Variants in ZNF638 observed in about 807,000 individuals in gnomAD.
The protein encoded by ZNF638 is zinc finger protein 638, also known as CTCL tumor antigen se33-1.
Under a neutral mutation model 195.6 loss-of-function variants are expected in ZNF638, and 46 were observed. That is an observed-to-expected ratio of 0.24 (90% CI 0.19 to 0.30). The LOEUF (loss-of-function observed/expected upper bound fraction) is 0.30, where lower values mean the gene tolerates loss of function less well. Among genes scored for constraint, ZNF638 ranks in the 10% least tolerant of loss-of-function variants. The probability of loss-of-function intolerance (pLI) is 1.00; values close to 1 mark genes in which losing one functional copy is unlikely to be tolerated. For missense variants in ZNF638, 2,440 were observed against 2,325.3 expected, an observed-to-expected ratio of 1.05 and a Z score of -1.01; for synonymous variants, 845 against 772.0, an observed-to-expected ratio of 1.09 and a Z score of -1.57.
chr2:71,431,861 A>G (rs2080672022), intron 26 of ZNF638, among the ~76,000 whole-genome samples: 1 of 152,150 alleles, frequency 6.6e-6, no homozygotes, highest in African/African-American at 2.4e-5. Context: ...GGAAATTTGC[A>G]TGTTTTACAC....
rs143900465 is a variant in ZNF638, at chr2:71,367,946, A to G, written c.1996-436A>G. On this transcript the variant is annotated intron_variant, in intron 6 of 27. Coordinates refer to ENST00000264447, the MANE Select transcript of ZNF638 (RefSeq NM_014497.5). ...ATGCATTATATATGAATTTTTAAAA[A>G]TATTATACCTGTCTAGAGATCATTT... Among the ~76,000 whole-genome samples the G allele has an allele frequency of 4.0e-3, 615 of 152,232 alleles. 2 individuals carry two copies. Among genetic ancestry groups the G allele is most frequent in the Non-Finnish European group, 5.7e-3 (388 of 68,002 alleles).
At chr2:71,394,994 C>T (rs762898547) in intron 10 of ZNF638, among the ~76,000 whole-genome samples, 1 of 152,154 alleles carries the variant, frequency 6.6e-6, no homozygotes, top group Admixed American at 6.5e-5. Context: ...TACCATGGAA[C>T]CAATCAATAC....
At chr2:71,334,130 G>C (rs756203059) in intron 1 of ZNF638, among the ~76,000 whole-genome samples, 2 of 152,002 alleles carry the variant, frequency 1.3e-5, no homozygotes, top group Non-Finnish European at 2.9e-5. Flanking sequence ...GTTAGTCTTT[G>C]TATCTTTCCC....
intron 1 of ZNF638, among the ~76,000 whole-genome samples, chr2:71,345,691 G>C (rs1469544383): frequency 6.6e-6 from 1 of 151,950 alleles, no homozygotes; most frequent in Non-Finnish European, 1.5e-5. Context: ...TTTTTGTAGA[G>C]ACAGGATTTT....
intron 8 of ZNF638, among the ~76,000 whole-genome samples, chr2:71,371,780 A>G (rs1442635206): frequency 6.6e-6 from 1 of 151,804 alleles, no homozygotes; most frequent in Non-Finnish European, 1.5e-5. Context: ...TTTTTCCTGT[A>G]AAGTGGCTTG....
intron 2 of ZNF638, among the ~76,000 whole-genome samples, chr2:71,355,478 T>C (rs1368739907): frequency 6.6e-6 from 1 of 152,198 alleles, no homozygotes; most frequent in Non-Finnish European, 1.5e-5. Context: ...CGGGTATGAT[T>C]TTGAAAATGT....
chr2:71,417,474 T>G (rs1201001848), intron 20 of ZNF638, among the ~76,000 whole-genome samples: 6 of 152,186 alleles, frequency 3.9e-5, no homozygotes, highest in Non-Finnish European at 7.3e-5. Context: ...ACCGGAGCTG[T>G]TCCTATTCGG....
chr2:71,423,913 G>A lies in ZNF638; in HGVS notation c.4399G>A (p.Gly1467Ser), dbSNP rs147572028. The part of the protein sequence containing the change: ...KPTQSSLTRG[G>S]SGRISALQGK... ...TACTCAGAGCAGTCTTACCAGAGGA[G>A]GCAGTGGAAGGATCTCAGCCCTGCA... The change falls in exon 22 of 28, where the codon GGC becomes AGC. Residue 1467 changes from glycine to serine, a missense_variant. Coordinates refer to ENST00000264447, the MANE Select transcript of ZNF638 (RefSeq NM_014497.5). 1.2e-5 allele frequency: 20 copies of A among 1,613,908 alleles called. No homozygotes were observed. The highest frequency in any genetic ancestry group is 3.3e-5 in the Admixed American group (2 of 60,002).
intron 17 of ZNF638, among the ~76,000 whole-genome samples, chr2:71,404,682 A>G (rs2080070648): frequency 6.6e-6 from 1 of 152,090 alleles, no homozygotes; most frequent in South Asian, 2.1e-4. Flanking sequence ...TTACCACTGA[A>G]CTTCAGCCTG....
At chr2:71,425,419 C>T (rs1267081207) in intron 23 of ZNF638, among the ~76,000 whole-genome samples, 1 of 151,974 alleles carries the variant, frequency 6.6e-6, no homozygotes, top group Non-Finnish European at 1.5e-5. Flanking sequence ...ATAGTACAAT[C>T]GCTTGTAGAT....
At chr2:71,337,774 GT>G (rs78694843) in intron 1 of ZNF638, among the ~76,000 whole-genome samples, 17,258 of 136,258 alleles carry the variant, frequency 0.13, 1,825 homozygotes, top group East Asian at 0.57. Context: ...TTTTATAGCA[GT>G]TTTTTTTTCC....
At chr2:71,407,377 T>C (rs1357682219) in intron 19 of ZNF638, 1 of 152,222 alleles carries the variant, frequency 6.6e-6, no homozygotes, top group African/African-American at 2.4e-5. Flanking sequence ...ATCATTCTCT[T>C]CAGTTTTGCC....
In ZNF638 at chr2:71,412,135, C is replaced by T. The variant is rs1489440402; in HGVS notation, c.3261+3888C>T. ...TATTTCTCCACATCCTCTCCAGCAC[C>T]GGTTGTTTCCTGACTTTTTAATGAT... On this transcript the variant is annotated intron_variant, in intron 20 of 27. Coordinates refer to ENST00000264447, the MANE Select transcript of ZNF638 (RefSeq NM_014497.5). Among the ~76,000 whole-genome samples, 16 of 90,766 alleles carry T rather than the reference C, an allele frequency of 1.8e-4. 1 individual carries two copies. The highest frequency in any genetic ancestry group is 4.9e-4 in the South Asian group (1 of 2,048). The allele number at this position is 90,766 out of a possible 152,430, so 59.5% of individuals were successfully genotyped here. A position where few individuals can be genotyped will look rare whatever the true frequency, so the allele number is the denominator to read the frequency against.
rs753358094 is a variant in ZNF638 at position 71,423,813 on chromosome 2, A to G, written c.4299A>G (p.Ser1433=). 2 of 1,614,084 alleles carry G rather than the reference A, an allele frequency of 1.2e-6. No homozygotes were observed. The highest frequency in any genetic ancestry group is 8.5e-7 in the Non-Finnish European group (1 of 1,180,002). The change falls in exon 22 of 28, where the codon TCA becomes TCG. Residue 1433 remains serine, a synonymous_variant. Coordinates refer to ENST00000264447, the MANE Select transcript of ZNF638 (RefSeq NM_014497.5). ...AAATAAATGCTGAAAAGAAACTTTC[A>G]GCCAAGGAATTTGGTCTGCTTAAAC... ...RDQINAEKKL[S]AKEFGLLKPT...
chr2:71,347,627 T>A (rs1262314158), intron 1 of ZNF638, among the ~76,000 whole-genome samples: 2 of 152,158 alleles, frequency 1.3e-5, no homozygotes, highest in Non-Finnish European at 2.9e-5. Flanking sequence ...ACCAGCATAG[T>A]CTATATGCTC....
chr2:71,405,990 C>A, intron 18 of ZNF638, 138 bp from the exon 19 acceptor site: 1 of 948,896 alleles, frequency 1.1e-6, no homozygotes, highest in Non-Finnish European at 1.6e-6. Flanking sequence ...ACCTCACTGT[C>A]TTCCCCCATG....
rs1455438788 is a variant in ZNF638, at chr2:71,350,991, A to C, written c.1317+720A>C. Among the ~76,000 whole-genome samples the C allele has an allele frequency of 2.0e-5, 3 of 152,324 alleles. No homozygotes were observed. In the East Asian group the frequency reaches 5.8e-4, roughly 29 times the overall value. ...GCAGTGAAGTGTACTATAATGTAGA[A>C]CATACTGTTCAGTCGTAATCATTGG... On this transcript the variant is annotated intron_variant, in intron 2 of 27. Transcript: ENST00000264447.
In ZNF638 at chr2:71,373,437, ATTTTTT is replaced by A. The variant is rs754117239; in HGVS notation, c.2265+3454_2265+3459del. Among the ~76,000 whole-genome samples, 4 of 71,010 alleles carry A rather than the reference ATTTTTT, an allele frequency of 5.6e-5. No homozygotes were observed. In the Admixed American group the frequency reaches 6.9e-4, roughly 12 times the overall value. The allele number at this position is 71,010 out of a possible 152,430, so 46.6% of individuals were successfully genotyped here. Reference sequence around the variant, plus strand: ...TTATGCATACATATATCAAGTTTGAATTTTTTTTTTTTTTTTTTTTTTTTTTTGGCG... The same window carrying A: ...TTATGCATACATATATCAAGTTTGAATTTTTTTTTTTTTTTTTTTTTGGCG... On this transcript the variant is annotated intron_variant, in intron 8 of 27. Coordinates refer to ENST00000264447, the MANE Select transcript of ZNF638 (RefSeq NM_014497.5).
Position 71,423,699 on chromosome 2 carries a change from G to C in ZNF638, c.4185G>C (p.Lys1395Asn), listed in dbSNP as rs2080477331. Residue 1395 changes from lysine (K) to asparagine (N), a missense_variant, in exon 22 of 28, where the codon AAG (lysine) becomes AAC (asparagine). Coordinates refer to ENST00000264447, the MANE Select transcript of ZNF638 (RefSeq NM_014497.5). ...SDVSSSKPSI[K>N]AVIVSSPKAK... Reference sequence around the variant, plus strand: ...TATCTAGCAGTAAACCAAGCATCAAGGCTGTTATAGTCTCTTCTCCTAAGG... The same window carrying C: ...TATCTAGCAGTAAACCAAGCATCAACGCTGTTATAGTCTCTTCTCCTAAGG... The C allele has an allele frequency of 6.2e-7, 1 of 1,613,706 alleles. No individual in the cohort carries two copies. The highest frequency in any genetic ancestry group is 1.3e-5 in the African/African-American group (1 of 74,916).
Sources: gnomAD v4.1 joint callset for allele counts (sites outside exome capture counted in the v4.1 genomes callset) on GRCh38, gnomAD v4.1.1 for gene constraint, MANE v1.5 for transcripts, NCBI Gene and HGNC (gene_info 2026-07-23, HGNC 2026-07-21) for gene names.